The following PPIL4 variants were observed in gnomAD, a reference collection of about 807,000 sequenced individuals.
PPIL4 encodes the protein peptidylprolyl isomerase like 4.
Under a neutral mutation model 69.1 loss-of-function variants are expected in PPIL4, and 50 were observed. The observed-to-expected ratio is 0.72, with a 90% confidence interval of 0.58 to 0.92. The LOEUF is 0.92. Ranked by LOEUF, PPIL4 falls within the 40% of genes least tolerant of loss-of-function variation. The pLI is 0.00. For missense variants in PPIL4, 480 were observed against 587.9 expected, an observed-to-expected ratio of 0.82 and a Z score of 1.90; for synonymous variants, 193 against 191.6, an observed-to-expected ratio of 1.01 and a Z score of -0.06.
At chr6:149,538,680 G>A (rs893730751) in intron 4 of PPIL4, among the ~76,000 whole-genome samples, 5 of 152,168 alleles carry the variant, frequency 3.3e-5, no homozygotes, top group African/African-American at 1.2e-4. Context: ...ATGACTTTGA[G>A]TGGCTCAAGA....
chr6:149,538,281 T>C (rs2115039647), intron 4 of PPIL4, among the ~76,000 whole-genome samples: 1 of 151,928 alleles, frequency 6.6e-6, no homozygotes, highest in African/African-American at 2.4e-5. Context: ...AAAAAAATAC[T>C]GTTTTCATGC....
At chr6:149,511,139 T>A (rs1447611326) in intron 12 of PPIL4, among the ~76,000 whole-genome samples, 1 of 151,752 alleles carries the variant, frequency 6.6e-6, no homozygotes. Flanking sequence ...CCCTCCCTTC[T>A]CACCTCAGCC....
In PPIL4 at chr6:149,540,342, C is replaced by A. The variant is rs1269404112; in HGVS notation, c.321+600G>T. On this transcript the variant is annotated intron_variant, in intron 4 of 12. Transcript: ENST00000253329. ...TAAGAAATACTGAAAAACGGCCAGGCGCGGTGGCTCACGCCTGTAATCCCA... is the reference window on the plus strand; with the variant it reads ...TAAGAAATACTGAAAAACGGCCAGGAGCGGTGGCTCACGCCTGTAATCCCA... Among the ~76,000 whole-genome samples the A allele has an allele frequency of 2.0e-5, 3 of 152,040 alleles. No individual in the cohort carries two copies. In the East Asian group the frequency reaches 5.8e-4, roughly 29 times the overall value.
intron 1 of PPIL4, among the ~76,000 whole-genome samples, chr6:149,545,472 C>T (rs972477591): frequency 6.6e-6 from 1 of 152,190 alleles, no homozygotes; most frequent in African/African-American, 2.4e-5. Flanking sequence ...CTCCAGACAA[C>T]CTCTTCCTCC....
intron 11 of PPIL4, among the ~76,000 whole-genome samples, chr6:149,512,828 C>T (rs1583203724): frequency 6.6e-6 from 1 of 151,948 alleles, no homozygotes; most frequent in Non-Finnish European, 1.5e-5. Context: ...CTGCAACCTC[C>T]GCCTCTCAGG....
intron 6 of PPIL4, 30 bp downstream of exon 6, chr6:149,534,648 T>C (rs935586085): frequency 3.7e-6 from 4 of 1,076,654 alleles, no homozygotes; most frequent in African/African-American, 1.6e-5. Flanking sequence ...AATATGAATG[T>C]ACATTTAATC....
At chr6:149,525,738 C>T (rs1777096332) in intron 8 of PPIL4, among the ~76,000 whole-genome samples, 1 of 152,072 alleles carries the variant, frequency 6.6e-6, no homozygotes, top group African/African-American at 2.4e-5. Flanking sequence ...AGTGAAAAGG[C>T]CAATAAGCTG....
In PPIL4 at chr6:149,535,749, G is replaced by T; in HGVS notation, c.322-11C>A. ...TGTGGTGATAAGAAACTATAAAGAA[G>T]GACACATAATAAATACCATAAAAAT... On this transcript the variant is annotated splice_polypyrimidine_tract_variant and intron_variant, in intron 4 of 12. Coordinates refer to ENST00000253329, the MANE Select transcript of PPIL4 (RefSeq NM_139126.4). The T allele has an allele frequency of 6.4e-7, 1 of 1,562,902 alleles. No individual in the cohort carries two copies. The highest frequency in any genetic ancestry group is 8.7e-7 in the Non-Finnish European group (1 of 1,144,366).
Position 149,534,034 on chromosome 6 carries a change from C to T in PPIL4, c.562-460G>A, listed in dbSNP as rs1422117913. Among the ~76,000 whole-genome samples the T allele has an allele frequency of 3.3e-5, 5 of 151,962 alleles. No individual in the cohort carries two copies. In the East Asian group the frequency reaches 9.7e-4, roughly 29 times the overall value. ...AGCTGGGCGTGGTGGCATGCACCTACAATCCCAGCAACTCAAGAGGCTGAG... is the reference window on the plus strand; with the variant it reads ...AGCTGGGCGTGGTGGCATGCACCTATAATCCCAGCAACTCAAGAGGCTGAG... On this transcript the variant is annotated intron_variant, in intron 6 of 12. Transcript: ENST00000253329.
At position 149,545,979 on chromosome 6, in the gene PPIL4, T is replaced by C. The variant is rs369910880; in HGVS notation, c.27A>G (p.Leu9=). Residue 9 remains leucine (L), a synonymous_variant, in exon 1 of 13, where the codon TTA becomes TTG. Coordinates refer to ENST00000253329, the MANE Select transcript of PPIL4 (RefSeq NM_139126.4). MAVLLETT[L]GDVVIDLYTE... is the part of the protein sequence containing the mutation. ...TGTACAAGTCGATGACGACGTCGCC[T>C]AAAGTGGTCTCCAGTAGAACCGCCA... 5.7e-6 allele frequency: 9 copies of C among 1,587,244 alleles called. No individual in the cohort carries two copies. The African/African-American group carries it at 1.1e-4, about 19-fold the overall frequency.
chr6:149,513,192 C>T (rs1273321878), intron 11 of PPIL4, among the ~76,000 whole-genome samples: 1 of 147,408 alleles, frequency 6.8e-6, no homozygotes, highest in African/African-American at 2.5e-5. Flanking sequence ...TCGAGACCAG[C>T]CTGGCCAATA....
intron 7 of PPIL4, among the ~76,000 whole-genome samples, chr6:149,529,092 G>A (rs1450936926): frequency 2.6e-5 from 4 of 152,036 alleles, no homozygotes; most frequent in Non-Finnish European, 5.9e-5. Context: ...TTACCAAGGT[G>A]TGGTGGCGTG....
chr6:149,521,085 A>G lies in PPIL4; in HGVS notation c.957T>C (p.Val319=). Residue 319 remains valine (V), a synonymous_variant, in exon 10 of 13, where the codon GTT becomes GTC. Coordinates refer to ENST00000253329, the MANE Select transcript of PPIL4 (RefSeq NM_139126.4). ...RRIHVDFSQS[V]AKVKWKGKGG... ...CTTTTCCTTTCCATTTAACCTTTGC[A>G]ACCGACTGGCTAAAATCCACATGTA... is the stretch of plus-strand genomic sequence containing the variant. 6.3e-7 allele frequency: 1 copy of G among 1,598,930 alleles called. No individual in the cohort carries two copies.
At position 149,541,361 on chromosome 6, in the gene PPIL4, A is replaced by G. The variant is rs201665756; in HGVS notation, c.203+6T>C. On this transcript the variant is annotated splice_donor_region_variant and intron_variant, in intron 3 of 12. Coordinates refer to ENST00000253329, the MANE Select transcript of PPIL4 (RefSeq NM_139126.4). ...AATAAATAAATAAATAAATAAAACA[A>G]CTTACCCAAAGATAGACTCTCCTCC... The G allele has an allele frequency of 4.8e-6, 6 of 1,251,754 alleles. No individual in the cohort carries two copies. In the African/African-American group the frequency reaches 6.2e-5, roughly 13 times the overall value. The allele number at this position is 1,251,754 out of a possible 1,614,324, so 77.5% of individuals were successfully genotyped here.
chr6:149,513,621 A>C (rs563457111), intron 11 of PPIL4, among the ~76,000 whole-genome samples: 2 of 151,530 alleles, frequency 1.3e-5, no homozygotes, highest in African/African-American at 4.8e-5. Context: ...TATGAAAATT[A>C]ACATGAAAAA....
chr6:149,518,340 G>A (rs776777005), intron 10 of PPIL4, among the ~76,000 whole-genome samples: 4 of 152,096 alleles, frequency 2.6e-5, no homozygotes, highest in East Asian at 1.9e-4. Flanking sequence ...AATTCAATTC[G>A]CATCCATGTC....
intron 9 of PPIL4, among the ~76,000 whole-genome samples, chr6:149,521,713 G>A (rs1476457425): frequency 6.6e-6 from 1 of 152,160 alleles, no homozygotes; most frequent in Non-Finnish European, 1.5e-5. Context: ...CATAATCACA[G>A]ATGTAATGTG....
In PPIL4 at chr6:149,545,998, A is replaced by C. The variant is rs1583215010; in HGVS notation, c.8T>G (p.Val3Gly). Reference protein sequence around the residue: MAVLLETTLGDVV... With the variant: MAGLLETTLGDVV... ...GTCGCCTAAAGTGGTCTCCAGTAGA[A>C]CCGCCATGGCGCCCGCTCCTCCTCC... The change falls in exon 1 of 13, where the codon GTT (valine) becomes GGT (glycine). Residue 3 changes from valine (V) to glycine (G), a missense_variant. Transcript: ENST00000253329. The C allele has an allele frequency of 6.3e-7, 1 of 1,578,782 alleles. No homozygotes were observed. The highest frequency in any genetic ancestry group is 1.8e-5 in the Admixed American group (1 of 56,810).
chr6:149,532,544 C>T (rs1777214935), intron 7 of PPIL4, among the ~76,000 whole-genome samples: 1 of 152,136 alleles, frequency 6.6e-6, no homozygotes, highest in African/African-American at 2.4e-5. Context: ...TTTTTAATTT[C>T]AGTAAAGCTT....
Sources: allele counts gnomAD v4.1 joint callset (sites outside exome capture counted in the v4.1 genomes callset), GRCh38; gene constraint gnomAD v4.1.1; transcripts MANE v1.5; gene names NCBI Gene and HGNC (gene_info 2026-07-23, HGNC 2026-07-21).